The following TSPEAR variants were observed in gnomAD, a reference collection of about 807,000 sequenced individuals.
TSPEAR encodes thrombospondin type laminin G domain and EAR repeats.
A neutral mutation model predicts 71.6 loss-of-function variants in TSPEAR; 69 were observed. That is an observed-to-expected ratio of 0.96 (90% CI 0.79 to 1.18). The LOEUF (loss-of-function observed/expected upper bound fraction) is 1.18. TSPEAR is among the 50% of genes most tolerant of loss of function. The pLI, the probability that TSPEAR is intolerant of heterozygous loss-of-function variation, is 0.00. For synonymous variants in TSPEAR, 402 were observed against 387.2 expected (o/e 1.04, Z -0.45); for missense variants, 971 against 894.9 (o/e 1.09, Z -1.09).
intron 2 of TSPEAR, among the ~76,000 whole-genome samples, chr21:44,554,160 G>C (rs1437034159): frequency 2.6e-5 from 4 of 152,224 alleles, no homozygotes; most frequent in Non-Finnish European, 4.4e-5. Flanking sequence ...ATTAGGTCAG[G>C]AGGGTGGAGC....
rs145107856 is a variant in TSPEAR, at chr21:44,671,474, C to A, written c.82+39959G>T. Among the ~76,000 whole-genome samples, 186 of 152,352 alleles carry A rather than the reference C, an allele frequency of 1.2e-3. 1 individual carries two copies. Among genetic ancestry groups the A allele is most frequent in the African/African-American group, 4.4e-3 (182 of 41,580 alleles). The stretch of plus-strand genomic sequence containing the variant: ...GACAGGCACATTTGGCCCACTGCTG[C>A]CACCACTGGGGCCTGAGATTTGGCC... On this transcript the variant is annotated intron_variant, in intron 1 of 11. Coordinates refer to ENST00000323084, the MANE Select transcript of TSPEAR (RefSeq NM_144991.3).
At chr21:44,511,684 G>A (rs1555912732) in intron 9 of TSPEAR, among the ~76,000 whole-genome samples, 1 of 152,268 alleles carries the variant, frequency 6.6e-6, no homozygotes, top group African/African-American at 2.4e-5. Flanking sequence ...CCAGCCCTGG[G>A]CGTCCTTCCA....
chr21:44,518,207 C>A, intron 9 of TSPEAR: 1 of 414,450 alleles, frequency 2.4e-6, no homozygotes. Flanking sequence ...CTTTCTGTTT[C>A]TAGAGCTAGC....
intron 1 of TSPEAR, among the ~76,000 whole-genome samples, chr21:44,573,184 C>T (rs9985041): frequency 0.048 from 7,293 of 152,192 alleles, 550 homozygotes; most frequent in African/African-American, 0.16. Flanking sequence ...ATTATCTTTA[C>T]TTAGAACCCA....
intron 1 of TSPEAR, among the ~76,000 whole-genome samples, chr21:44,635,798 TTATTTTATGGTTGATCACAA>T (rs1555936545): frequency 6.6e-6 from 1 of 152,226 alleles, no homozygotes; most frequent in East Asian, 1.9e-4. Flanking sequence ...ATGGTACATT[TTATTTTATGGTTGATCACAA>T]TTTAAATAAA....
intron 1 of TSPEAR, among the ~76,000 whole-genome samples, chr21:44,678,274 T>A (rs75328099): frequency 0.015 from 2,258 of 152,110 alleles, 54 homozygotes; most frequent in African/African-American, 0.052. Flanking sequence ...TAGGAGGTGA[T>A]TTGATCATGA....
intron 1 of TSPEAR, chr21:44,591,210 A>G (rs1979791576): frequency 3.0e-6 from 4 of 1,338,958 alleles, no homozygotes; most frequent in Non-Finnish European, 4.0e-6. Context: ...CTGGGGGAGT[A>G]GCTGGGGTCT....
intron 1 of TSPEAR, among the ~76,000 whole-genome samples, chr21:44,699,643 C>A (rs965660282): frequency 1.3e-5 from 2 of 152,116 alleles, no homozygotes; most frequent in Non-Finnish European, 1.5e-5. Context: ...GGCCCTGTAA[C>A]GCCGTCTCCC....
chr21:44,577,061 A>G (rs1978505305), intron 1 of TSPEAR, among the ~76,000 whole-genome samples: 1 of 152,214 alleles, frequency 6.6e-6, no homozygotes. Flanking sequence ...TATAAATCAC[A>G]ATGGAAATTA....
chr21:44,516,202 A>G (rs2052562925), intron 9 of TSPEAR: 2 of 152,308 alleles, frequency 1.3e-5, no homozygotes, highest in Non-Finnish European at 2.9e-5. Context: ...GAAGGCTGCC[A>G]TCAGCAGGAA....
intron 1 of TSPEAR, among the ~76,000 whole-genome samples, chr21:44,628,744 G>T (rs1238292052): frequency 9.8e-5 from 15 of 152,290 alleles, no homozygotes; most frequent in African/African-American, 3.1e-4. Flanking sequence ...GGCGGTGGGG[G>T]GTGGGTGTGG....
intron 1 of TSPEAR, among the ~76,000 whole-genome samples, chr21:44,691,311 G>A (rs1178665468): frequency 6.6e-6 from 1 of 152,114 alleles, no homozygotes; most frequent in South Asian, 2.1e-4. Context: ...TGTCTCTAAC[G>A]TATAACTGTT....
rs1677737627 is a variant in TSPEAR at position 44,676,403 on chromosome 21, T to A, written c.82+35030A>T. 2.6e-6 allele frequency: 3 copies of A among 1,141,060 alleles called. No homozygotes were observed. In the African/African-American group the frequency reaches 4.6e-5, roughly 17 times the overall value. The allele number at this position is 1,141,060 out of a possible 1,614,324, so 70.7% of individuals were successfully genotyped here. On this transcript the variant is annotated intron_variant, in intron 1 of 11. Transcript: ENST00000323084. ...GGCATTTCTGCAGATGAGGTCTTCA[T>A]GCTGTACTTTAATGCCTCCACTGAA...
intron 10 of TSPEAR, chr21:44,508,368 T>G (rs1601325171): frequency 1.8e-6 from 1 of 552,450 alleles, no homozygotes; most frequent in Non-Finnish European, 2.3e-6. Flanking sequence ...GAGGGGCAGG[T>G]GAATTGTTAC....
At chr21:44,660,498 G>A (rs1485437333) in intron 1 of TSPEAR, among the ~76,000 whole-genome samples, 1 of 152,176 alleles carries the variant, frequency 6.6e-6, no homozygotes, top group Non-Finnish European at 1.5e-5. Flanking sequence ...AAGAAAATCC[G>A]TCGACCCTAT....
At chr21:44,528,661 A>C (rs1160687377) in intron 5 of TSPEAR, 78 bp from the exon 6 acceptor site, 18 of 1,560,484 alleles carry the variant, frequency 1.2e-5, no homozygotes, top group South Asian at 3.6e-5. Context: ...GAGGCCCCCA[A>C]ACCAGGCTGC....
intron 1 of TSPEAR, among the ~76,000 whole-genome samples, chr21:44,635,655 G>A (rs1436318653): frequency 1.3e-5 from 2 of 151,808 alleles, no homozygotes; most frequent in Non-Finnish European, 2.9e-5. Flanking sequence ...GTTGCCAGGG[G>A]CTGGGCATGG....
At chr21:44,657,993 G>C in intron 1 of TSPEAR, 1 of 1,613,410 alleles carries the variant, frequency 6.2e-7, no homozygotes, top group Non-Finnish European at 8.5e-7. Flanking sequence ...TGCCACACCA[G>C]CTGCTCCCCA....
chr21:44,543,455 A>G (rs961290200), intron 2 of TSPEAR, among the ~76,000 whole-genome samples: 5 of 152,226 alleles, frequency 3.3e-5, no homozygotes, highest in Non-Finnish European at 5.9e-5. Flanking sequence ...ACGACTCACT[A>G]GGAAGTAGAT....
Sources: gnomAD v4.1 joint callset for allele counts (sites outside exome capture counted in the v4.1 genomes callset) on GRCh38, gnomAD v4.1.1 for gene constraint, MANE v1.5 for transcripts, NCBI Gene and HGNC (gene_info 2026-07-23, HGNC 2026-07-21) for gene names.